TXNDC5: variants seen among roughly 807,000 people sequenced by gnomAD.
TXNDC5 encodes thioredoxin domain-containing protein 5.
A neutral mutation model predicts 52.6 loss-of-function variants in TXNDC5; 44 were observed. The ratio of observed to expected loss-of-function variants is 0.84; its 90% confidence interval spans 0.66 to 1.08. The LOEUF (loss-of-function observed/expected upper bound fraction) is 1.08, where lower values mean the gene tolerates loss of function less well. Ranked by LOEUF, TXNDC5 falls within the 50% of genes least tolerant of loss-of-function variation. The probability of loss-of-function intolerance (pLI) is 0.00; values close to 1 mark genes in which losing one functional copy is unlikely to be tolerated. For missense variants in TXNDC5, 600 were observed against 565.5 expected, an observed-to-expected ratio of 1.06 and a Z score of -0.62; for synonymous variants, 241 against 234.4, an observed-to-expected ratio of 1.03 and a Z score of -0.26.
In TXNDC5 at chr6:7,884,480, T is replaced by G. The variant is rs750337893; in HGVS notation, c.1055A>C (p.His352Pro). The G allele has an allele frequency of 1.2e-6, 2 of 1,614,122 alleles. No individual in the cohort carries two copies. The highest frequency in any genetic ancestry group is 1.7e-6 in the Non-Finnish European group (2 of 1,179,966). Residue 352 changes from histidine to proline, a missense_variant, in exon 9 of 10, where the codon CAT (histidine) becomes CCT (proline). By Grantham distance (77) the His-to-Pro change is moderately conservative. Coordinates refer to ENST00000379757, the MANE Select transcript of TXNDC5 (RefSeq NM_030810.5). ...FIKFYAPWCG[H>P]CKTLAPTWEE... ...CCAAGTAGGAGCCAGAGTCTTACAA[T>G]GACCACACCTAAGACGAGAAAAATG...
At chr6:7,909,852 G>C in intron 1 of TXNDC5, 1 of 986,026 alleles carries the variant, frequency 1.0e-6, no homozygotes. Flanking sequence ...CTCTGGAAGG[G>C]GACGTGCCCG....
Position 7,895,187 on chromosome 6 carries a change from C to T in TXNDC5, c.535G>A (p.Val179Met). ...NEEPVTPEPE[V>M]EPPSAPELKQ... ...AGCTCGGGGGCACTGGGCGGTTCCA[C>T]TTCCGGCTCTGGTGTCTAACAGGAG... Residue 179 changes from valine (V) to methionine (M), a missense_variant, in exon 4 of 10, where the codon GTG (valine) becomes ATG (methionine). Physicochemically the swap from Val to Met is conservative, Grantham distance 21. Coordinates refer to ENST00000379757, the MANE Select transcript of TXNDC5 (RefSeq NM_030810.5). 1 of 1,613,164 alleles carries T rather than the reference C, an allele frequency of 6.2e-7. No homozygotes were observed. Among genetic ancestry groups the T allele is most frequent in the Admixed American group, 1.7e-5 (1 of 59,954 alleles).
chr6:7,903,160 G>A (rs1760623028), intron 2 of TXNDC5, among the ~76,000 whole-genome samples: 1 of 152,194 alleles, frequency 6.6e-6, no homozygotes, highest in African/African-American at 2.4e-5. Context: ...TTTCTCAACA[G>A]GTAAGCATTC....
intron 6 of TXNDC5, 176 bp from the exon 7 acceptor site, chr6:7,889,024 C>T: frequency 1.3e-6 from 1 of 787,670 alleles, no homozygotes; most frequent in Non-Finnish European, 1.9e-6. Flanking sequence ...AATGCCTCGG[C>T]TTTGGTGAGA....
chr6:7,891,585 C>A, intron 5 of TXNDC5, 36 bp downstream of exon 5: 2 of 1,553,946 alleles, frequency 1.3e-6, no homozygotes, highest in South Asian at 2.2e-5. Flanking sequence ...CAGCCCAAAG[C>A]AGTCCATTTC....
At chr6:7,901,208 A>AC (rs1760555341) in intron 2 of TXNDC5, among the ~76,000 whole-genome samples, 5 of 152,280 alleles carry the variant, frequency 3.3e-5, no homozygotes, top group Admixed American at 2.6e-4. Context: ...TCAACATGAT[A>AC]AGCAACTGCA....
At chr6:7,887,316 C>T (rs952792654) in intron 7 of TXNDC5, among the ~76,000 whole-genome samples, 13 of 152,264 alleles carry the variant, frequency 8.5e-5, no homozygotes, top group South Asian at 4.1e-4. Flanking sequence ...GACCTCCTGC[C>T]GCAGCCCCAG....
chr6:7,883,187 G>C lies in TXNDC5; in HGVS notation c.1256C>G (p.Ser419Trp). 2 of 1,614,166 alleles carry C rather than the reference G, an allele frequency of 1.2e-6. No individual in the cohort carries two copies. The highest frequency in any genetic ancestry group is 1.7e-6 in the Non-Finnish European group (2 of 1,180,026). Residue 419 changes from serine (S) to tryptophan (W), a missense_variant, in exon 10 of 10, where the codon TCG (serine) becomes TGG (tryptophan). Physicochemically the swap from Ser to Trp is radical, Grantham distance 177. Coordinates refer to ENST00000379757, the MANE Select transcript of TXNDC5 (RefSeq NM_030810.5). ...SEHSGGRDLD[S>W]LHRFVLSQAK... Reference sequence around the variant, plus strand: ...TTGGCTCAGGACAAAGCGGTGTAACGAGTCAAGGTCTCTGCCTCCACTGTG... The same window carrying C: ...TTGGCTCAGGACAAAGCGGTGTAACCAGTCAAGGTCTCTGCCTCCACTGTG...
In TXNDC5 at chr6:7,910,582, C is replaced by A; in HGVS notation, c.195G>T (p.Leu65=). 7.0e-7 allele frequency: 1 copy of A among 1,432,024 alleles called. No individual in the cohort carries two copies. Among genetic ancestry groups the A allele is most frequent in the Non-Finnish European group, 9.3e-7 (1 of 1,079,542 alleles). 88.7% of individuals were successfully genotyped at this position (1,432,024 alleles called of 1,614,324 possible). Residue 65 remains leucine (L), a synonymous_variant, in exon 1 of 10, where the codon CTG becomes CTT. Transcript: ENST00000379757. ...EDGQDPHSKH[L]YTADMFTHGI... is the part of the protein sequence containing the mutation. ...CGTGCGTGAACATGTCGGCCGTGTACAGGTGCTTGCTGTGCGGGTCCTGTC... is the reference window on the plus strand; with the variant it reads ...CGTGCGTGAACATGTCGGCCGTGTAAAGGTGCTTGCTGTGCGGGTCCTGTC...
intron 7 of TXNDC5, among the ~76,000 whole-genome samples, chr6:7,887,763 T>C (rs1760046025): frequency 6.6e-6 from 1 of 151,944 alleles, no homozygotes; most frequent in Admixed American, 6.6e-5. Context: ...CCTCTCTCAC[T>C]CTCAGGGATC....
At position 7,897,777 on chromosome 6, in the gene TXNDC5, T is replaced by C. The variant is rs184852161; in HGVS notation, c.519+1799A>G. On this transcript the variant is annotated intron_variant, in intron 3 of 9. Transcript: ENST00000379757. Reference sequence around the variant, plus strand: ...GCTGGTTTCTTGAATAAAGCCATCATAGAAGACTGGCTTTTTTGGTGAAAT... The same window carrying C: ...GCTGGTTTCTTGAATAAAGCCATCACAGAAGACTGGCTTTTTTGGTGAAAT... Among the ~76,000 whole-genome samples, 648 of 152,364 alleles carry C rather than the reference T, an allele frequency of 4.3e-3. 11 individuals are homozygous for C. Among genetic ancestry groups the C allele is most frequent in the African/African-American group, 0.015 (631 of 41,586 alleles).
In TXNDC5 at chr6:7,904,625, C is replaced by T. The variant is rs1299741671; in HGVS notation, c.362G>A (p.Cys121Tyr). The change falls in exon 2 of 10, where the codon TGC (cysteine) becomes TAC (tyrosine). Residue 121 changes from cysteine to tyrosine, a missense_variant. Cys to Tyr is a radical substitution (Grantham distance 194). Coordinates refer to ENST00000379757, the MANE Select transcript of TXNDC5 (RefSeq NM_030810.5). ...GGAGCACACGTCGGAGTGGGCCGTG[C>T]AGTCCACTTTAGCCACATAGACTTT... ...DAKVYVAKVD[C>Y]TAHSDVCSAQ... The T allele has an allele frequency of 6.2e-7, 1 of 1,614,230 alleles. No individual in the cohort carries two copies. The highest frequency in any genetic ancestry group is 8.5e-7 in the Non-Finnish European group (1 of 1,180,046).
At chr6:7,884,246 A>G in intron 9 of TXNDC5, 113 bp downstream of exon 9, 1 of 1,429,276 alleles carries the variant, frequency 7.0e-7, no homozygotes, top group Non-Finnish European at 9.5e-7. Flanking sequence ...GGGACATAAA[A>G]ACCACATTGT....
At chr6:7,904,511 A>G in intron 2 of TXNDC5, 63 bp downstream of exon 2, 1 of 1,591,346 alleles carries the variant, frequency 6.3e-7, no homozygotes. Flanking sequence ...CCAAAAGTTT[A>G]ACTAGGACTT....
At position 7,884,417 on chromosome 6, in the gene TXNDC5, C is replaced by A. The variant is rs1759884138; in HGVS notation, c.1118G>T (p.Gly373Val). ...LSKKEFPGLA[G>V]VKIAEVDCTA... ...GCAGTCTACTTCGGCGATCTTGACC[C>A]CCGCCAGACCAGGGAATTCCTTTTT... The change falls in exon 9 of 10, where the codon GGG (glycine) becomes GTG (valine). Residue 373 changes from glycine to valine, a missense_variant. Transcript: ENST00000379757. 1 of 1,613,988 alleles carries A rather than the reference C, an allele frequency of 6.2e-7. No individual in the cohort carries two copies. Among genetic ancestry groups the A allele is most frequent in the South Asian group, 1.1e-5 (1 of 91,082 alleles).
intron 1 of TXNDC5, among the ~76,000 whole-genome samples, chr6:7,907,443 A>C (rs1315936139): frequency 6.6e-6 from 1 of 152,218 alleles, no homozygotes; most frequent in Non-Finnish European, 1.5e-5. Flanking sequence ...CACCAGGTTC[A>C]GGGTGACTCA....
At chr6:7,894,944 G>A (rs1760314085) in intron 4 of TXNDC5, 162 bp downstream of exon 4, 2 of 984,780 alleles carry the variant, frequency 2.0e-6, no homozygotes, top group Non-Finnish European at 1.2e-6. Flanking sequence ...TGTTTTAGAG[G>A]AGGTGCACTG....
chr6:7,910,121 G>C lies in TXNDC5; in HGVS notation c.263+393C>G, dbSNP rs917877670. ...CGGGCTTTTCCCGGCTGTCCCCTAG[G>C]GGTCCGCCCCCTCCTCCCGCACCGC... On this transcript the variant is annotated intron_variant, in intron 1 of 9. Transcript: ENST00000379757. 3.0e-6 allele frequency: 3 copies of C among 986,736 alleles called. No individual in the cohort carries two copies. The East Asian group carries it at 3.4e-4, about 112-fold the overall frequency. The allele number at this position is 986,736 out of a possible 1,614,324, so 61.1% of individuals were successfully genotyped here.
intron 4 of TXNDC5, among the ~76,000 whole-genome samples, chr6:7,893,174 C>T (rs778153989): frequency 2.4e-4 from 36 of 152,220 alleles, no homozygotes; most frequent in Admixed American, 6.5e-4. Context: ...TGACATTGGG[C>T]TGATACCAAA....
Sources: allele counts gnomAD v4.1 joint callset (sites outside exome capture counted in the v4.1 genomes callset), GRCh38; gene constraint gnomAD v4.1.1; transcripts MANE v1.5; gene names NCBI Gene and HGNC (gene_info 2026-07-23, HGNC 2026-07-21).